Variants in ESYT2 observed in about 807,000 individuals in gnomAD.
ESYT2 encodes the protein extended synaptotagmin 2.
A neutral mutation model predicts 107.2 loss-of-function variants in ESYT2; 54 were observed. That is an observed-to-expected ratio of 0.50 (90% CI 0.40 to 0.63). The LOEUF is 0.63. ESYT2 is among the 30% of genes least tolerant of loss of function. The probability of loss-of-function intolerance (pLI) is 0.00; values close to 1 mark genes in which losing one functional copy is unlikely to be tolerated. For missense variants in ESYT2, 1,020 were observed against 1,094.5 expected (o/e 0.93, Z 0.96); for synonymous variants, 491 against 434.1 (o/e 1.13, Z -1.63).
At chr7:158,737,328 C>T in intron 19 of ESYT2, 149 bp from the exon 20 acceptor site, 9 of 1,030,636 alleles carry the variant, frequency 8.7e-6, no homozygotes, top group Non-Finnish European at 1.2e-5. Context: ...GCGCTTTTGC[C>T]TCCCCCGACG....
At chr7:158,758,039 A>G (rs1214848318) in intron 13 of ESYT2, among the ~76,000 whole-genome samples, 1 of 152,218 alleles carries the variant, frequency 6.6e-6, no homozygotes, top group Non-Finnish European at 1.5e-5. Flanking sequence ...TGAAATTGTA[A>G]CAGGTAAAGT....
At chr7:158,776,504 C>T (rs1584830052) in intron 6 of ESYT2, among the ~76,000 whole-genome samples, 6 of 152,246 alleles carry the variant, frequency 3.9e-5, no homozygotes. Context: ...GAGATGGCTT[C>T]TTTCCGTGAA....
Position 158,788,375 on chromosome 7 carries a change from A to G in ESYT2, c.627T>C (p.Tyr209=), listed in dbSNP as rs1439620932. The change falls in exon 5 of 23, where the codon TAT becomes TAC. Residue 209 remains tyrosine (Y), a synonymous_variant. Coordinates refer to ENST00000275418, the MANE Select transcript of ESYT2 (RefSeq NM_001367773.1). The part of the protein sequence containing the change: ...NCEIDLEIKR[Y]FCRAGVKSIQ... ...TACTTTTCACACCAGCTCTACAAAA[A>G]TATCGTTTGATCTCCAAATCAATCT... The G allele has an allele frequency of 6.2e-7, 1 of 1,611,622 alleles. No individual in the cohort carries two copies. Among genetic ancestry groups the G allele is most frequent in the East Asian group, 2.2e-5 (1 of 44,846 alleles).
intron 7 of ESYT2, among the ~76,000 whole-genome samples, chr7:158,771,629 G>A (rs1390344838): frequency 1.3e-5 from 2 of 152,182 alleles, no homozygotes; most frequent in Non-Finnish European, 2.9e-5. Context: ...CACCCTGCAT[G>A]GGTGGGGAGC....
rs1039274901 is a variant in ESYT2, at chr7:158,829,403, C to T, written c.16G>A (p.Gly6Ser). The T allele has an allele frequency of 6.0e-5, 72 of 1,204,142 alleles. No homozygotes were observed. The highest frequency in any genetic ancestry group is 3.3e-4 in the Middle Eastern group (1 of 3,006). The allele number at this position is 1,204,142 out of a possible 1,614,324, so 74.6% of individuals were successfully genotyped here. A position where few individuals can be genotyped will look rare whatever the true frequency, so the allele number is the denominator to read the frequency against. The change falls in exon 1 of 23, where the codon GGC becomes AGC. Residue 6 changes from glycine (G) to serine (S), a missense_variant. Gly to Ser is a moderately conservative substitution (Grantham distance 56). Transcript: ENST00000275418. MSGAR[G>S]EGPEAGAGGA... ...CCGGCGCCCGCCTCCGGGCCCTCGC[C>T]CCGGGCGCCGCTCATCGCCCCGCAG...
At chr7:158,824,878 ATGG>A (rs1262902518) in intron 1 of ESYT2, among the ~76,000 whole-genome samples, 4 of 152,360 alleles carry the variant, frequency 2.6e-5, no homozygotes, top group African/African-American at 9.6e-5. Flanking sequence ...AGCCCTGAGC[ATGG>A]TGGCATGCAA....
chr7:158,814,008 C>A (rs191276404), intron 1 of ESYT2, among the ~76,000 whole-genome samples: 4 of 152,000 alleles, frequency 2.6e-5, no homozygotes, highest in Admixed American at 6.6e-5. Context: ...GACGCGGTGG[C>A]TAACGCTGTG....
chr7:158,748,337 AT>A (rs1357331220), intron 15 of ESYT2, 57 bp from the exon 16 acceptor site: 15 of 1,324,678 alleles, frequency 1.1e-5, no homozygotes, highest in Non-Finnish European at 1.6e-5. Context: ...AGGGCTACTC[AT>A]TTTATGTGTT....
chr7:158,812,070 G>GA (rs1411470457), intron 1 of ESYT2, among the ~76,000 whole-genome samples: 2 of 152,186 alleles, frequency 1.3e-5, no homozygotes, highest in Non-Finnish European at 2.9e-5. Flanking sequence ...CCTTACAGCA[G>GA]AGAGTATCAG....
intron 10 of ESYT2, among the ~76,000 whole-genome samples, chr7:158,762,807 CT>C (rs1175556718): frequency 1.3e-5 from 2 of 152,190 alleles, no homozygotes; most frequent in Non-Finnish European, 2.9e-5. Flanking sequence ...GAGAGTGCCA[CT>C]CAGATAGTTT....
At chr7:158,809,585 C>T (rs1839938072) in intron 1 of ESYT2, among the ~76,000 whole-genome samples, 1 of 151,638 alleles carries the variant, frequency 6.6e-6, no homozygotes, top group South Asian at 2.1e-4. Flanking sequence ...TGAAAAGATG[C>T]TCAACATTAT....
chr7:158,769,083 ATT>A (rs1838265555), intron 7 of ESYT2, among the ~76,000 whole-genome samples: 2 of 147,940 alleles, frequency 1.4e-5, no homozygotes, highest in Non-Finnish European at 3.0e-5. Flanking sequence ...TTACAAATAA[ATT>A]CTGAGACCGT....
chr7:158,741,789 A>T lies in ESYT2; in HGVS notation c.1902T>A (p.His634Gln), dbSNP rs781353938. ...KEGRKTSIKS[H>Q]MSGSPGPGGS... The stretch of plus-strand genomic sequence containing the variant: ...CACCAGGGCCTGGAGACCCAGACAT[A>T]TGAGATTTGATGGATGTTTTCCTCC... Residue 634 changes from histidine (H) to glutamine (Q), a missense_variant, in exon 18 of 23, where the codon CAT (histidine) becomes CAA (glutamine). By Grantham distance (24) the His-to-Gln change is conservative. Coordinates refer to ENST00000275418, the MANE Select transcript of ESYT2 (RefSeq NM_001367773.1). 6.2e-7 allele frequency: 1 copy of T among 1,613,910 alleles called. No individual in the cohort carries two copies. Among genetic ancestry groups the T allele is most frequent in the Non-Finnish European group, 8.5e-7 (1 of 1,180,018 alleles).
intron 1 of ESYT2, among the ~76,000 whole-genome samples, chr7:158,806,903 G>A (rs2129473845): frequency 6.6e-6 from 1 of 152,156 alleles, no homozygotes; most frequent in East Asian, 1.9e-4. Context: ...TGTTTTGACT[G>A]GAATGGATTA....
At chr7:158,808,242 A>G (rs571091021) in intron 1 of ESYT2, among the ~76,000 whole-genome samples, 10 of 152,372 alleles carry the variant, frequency 6.6e-5, no homozygotes, top group African/African-American at 2.4e-4. Context: ...ACAATTCGTC[A>G]GTTTTAAACC....
chr7:158,746,599 G>C (rs530871655), intron 16 of ESYT2, among the ~76,000 whole-genome samples: 2 of 152,064 alleles, frequency 1.3e-5, no homozygotes, highest in Non-Finnish European at 2.9e-5. Flanking sequence ...CAATGGAACA[G>C]AAGGAATTCC....
rs3763407 is a variant in ESYT2 at position 158,732,080 on chromosome 7, C to A, written c.*2127G>T. On this transcript the variant is annotated 3_prime_UTR_variant, in exon 23 of 23. Coordinates refer to ENST00000275418, the MANE Select transcript of ESYT2 (RefSeq NM_001367773.1). ...CTGGGCTTTGTACCTTTAATTGTGT[C>A]TACTCTGCCTAAGTGCTTAAATAAA... 1 of 152,242 alleles carries A rather than the reference C, an allele frequency of 6.6e-6. No homozygotes were observed. Among genetic ancestry groups the A allele is most frequent in the Non-Finnish European group, 1.5e-5 (1 of 68,080 alleles). The allele number at this position is 152,242 out of a possible 1,614,324, so 9.4% of individuals were successfully genotyped here.
rs116501389 is a variant in ESYT2, at chr7:158,775,824, T to C, written c.748-2428A>G. 4.2e-3 allele frequency among the ~76,000 whole-genome samples: 636 copies of C among 152,324 alleles called. 6 individuals carry two copies. Among genetic ancestry groups the C allele is most frequent in the African/African-American group, 0.014 (578 of 41,564 alleles). ...TTTCAATGGCATCTAGGATGGTGAA[T>C]CCTTTCCGGAGGTTTTCGACTTACT... On this transcript the variant is annotated intron_variant, in intron 6 of 22. Transcript: ENST00000275418.
At chr7:158,768,166 CTTTT>C (rs989284500) in intron 7 of ESYT2, among the ~76,000 whole-genome samples, 1 of 152,152 alleles carries the variant, frequency 6.6e-6, no homozygotes, top group African/African-American at 2.4e-5. Flanking sequence ...ACCTCATTGA[CTTTT>C]TTTAACATAA....
Sources: gnomAD v4.1 joint callset for allele counts (sites outside exome capture counted in the v4.1 genomes callset) on GRCh38, gnomAD v4.1.1 for gene constraint, MANE v1.5 for transcripts, NCBI Gene and HGNC (gene_info 2026-07-23, HGNC 2026-07-21) for gene names.